The following EYS variants were observed in gnomAD, a reference collection of about 807,000 sequenced individuals.
EYS encodes the protein EGF-like photoreceptor maintenance factor, also known as protein eyes shut homolog.
A neutral mutation model predicts 282.1 loss-of-function variants in EYS; 250 were observed. The ratio of observed to expected loss-of-function variants is 0.89; its 90% CI spans 0.80 to 0.98. EYS has a LOEUF of 0.98. Ranked by LOEUF, EYS falls within the 50% of genes least tolerant of loss-of-function variation. The pLI is 0.00. For synonymous variants in EYS, 1,355 were observed against 1,282.9 expected, an observed-to-expected ratio of 1.06 and a Z score of -1.20; for missense variants, 4,016 against 3,709.0, an observed-to-expected ratio of 1.08 and a Z score of -2.15.
chr6:64,348,650 T>C (rs1771505476), intron 29 of EYS, among the ~76,000 whole-genome samples: 1 of 151,482 alleles, frequency 6.6e-6, no homozygotes, highest in African/African-American at 2.4e-5. Context: ...GCAAATGTTC[T>C]TCAGCTGGTT....
intron 22 of EYS, among the ~76,000 whole-genome samples, chr6:64,687,344 T>C (rs1252006041): frequency 2.0e-5 from 3 of 152,194 alleles, no homozygotes; most frequent in African/African-American, 7.2e-5. Context: ...TTTGTATTAA[T>C]AGATGCATTG....
At chr6:65,487,927 AT>A (rs1457415047) in intron 5 of EYS, among the ~76,000 whole-genome samples, 1 of 152,116 alleles carries the variant, frequency 6.6e-6, no homozygotes, top group Admixed American at 6.5e-5. Context: ...CCAGGAATTT[AT>A]CCATTTCTTC....
At chr6:63,881,602 G>A (rs1562076722) in intron 35 of EYS, among the ~76,000 whole-genome samples, 1 of 151,946 alleles carries the variant, frequency 6.6e-6, no homozygotes, top group East Asian at 1.9e-4. Flanking sequence ...ACTTAAATAC[G>A]TTTTTTTCCA....
At chr6:63,841,856 G>A (rs1026721156) in intron 36 of EYS, among the ~76,000 whole-genome samples, 14 of 152,168 alleles carry the variant, frequency 9.2e-5, no homozygotes, top group African/African-American at 1.7e-4. Flanking sequence ...GAGAACATGC[G>A]GGGTTTGGTT....
At chr6:65,515,427 C>A (rs1183876327) in intron 2 of EYS, among the ~76,000 whole-genome samples, 1 of 151,944 alleles carries the variant, frequency 6.6e-6, no homozygotes. Flanking sequence ...TTGACCCAGC[C>A]ATCCCATTAC....
intron 13 of EYS, among the ~76,000 whole-genome samples, chr6:65,007,192 A>G (rs1043509468): frequency 6.6e-6 from 1 of 152,060 alleles, no homozygotes; most frequent in Non-Finnish European, 1.5e-5. Context: ...TTACGCACCT[A>G]GAAAGGAATA....
chr6:64,672,870 C>T (rs189396901), intron 22 of EYS, among the ~76,000 whole-genome samples: 67 of 152,286 alleles, frequency 4.4e-4, no homozygotes, highest in African/African-American at 1.5e-3. Flanking sequence ...CTTACTACTC[C>T]TACCCTATAA....
chr6:64,400,606 G>A (rs978421531), intron 28 of EYS, among the ~76,000 whole-genome samples: 6 of 151,992 alleles, frequency 3.9e-5, no homozygotes, highest in African/African-American at 7.2e-5. Flanking sequence ...GATTGTGCTC[G>A]ATTGAATCTG....
At chr6:65,627,170 G>A (rs971580022) in intron 2 of EYS, among the ~76,000 whole-genome samples, 4 of 152,148 alleles carry the variant, frequency 2.6e-5, no homozygotes, top group African/African-American at 7.2e-5. Context: ...AACAGCAAGG[G>A]AACTCTTACT....
intron 31 of EYS, among the ~76,000 whole-genome samples, chr6:64,175,495 C>T (rs989638695): frequency 1.3e-5 from 2 of 152,110 alleles, no homozygotes; most frequent in African/African-American, 2.4e-5. Flanking sequence ...TTCGTGAGAG[C>T]GTACGTAAAT....
intron 26 of EYS, among the ~76,000 whole-genome samples, chr6:64,588,070 A>T (rs1311753956): frequency 6.6e-6 from 1 of 152,076 alleles, no homozygotes; most frequent in African/African-American, 2.4e-5. Flanking sequence ...TCAGTTGAGA[A>T]GTTAGAAATA....
chr6:65,128,702 A>T (rs767921989), intron 12 of EYS, among the ~76,000 whole-genome samples: 2 of 152,040 alleles, frequency 1.3e-5, no homozygotes, highest in African/African-American at 4.8e-5. Context: ...ATGGTCATGG[A>T]TCAAAAGAAT....
chr6:65,359,846 T>C (rs1388872875), intron 8 of EYS, among the ~76,000 whole-genome samples: 2 of 151,962 alleles, frequency 1.3e-5, no homozygotes, highest in Admixed American at 1.3e-4. Flanking sequence ...TTCATCATTT[T>C]TTTCAGTAGC....
intron 26 of EYS, among the ~76,000 whole-genome samples, chr6:64,469,950 T>C (rs868500175): frequency 6.6e-6 from 1 of 152,190 alleles, no homozygotes; most frequent in Admixed American, 6.5e-5. Flanking sequence ...AAAATAATGC[T>C]GTAAGCTGTT....
At chr6:65,329,021 G>A (rs1260908609) in intron 11 of EYS, among the ~76,000 whole-genome samples, 3 of 151,030 alleles carry the variant, frequency 2.0e-5, no homozygotes, top group South Asian at 4.2e-4. Context: ...ATGCTAAAAG[G>A]TTATACCTAT....
intron 33 of EYS, among the ~76,000 whole-genome samples, chr6:64,018,771 T>TG (rs1562153731): frequency 7.6e-5 from 9 of 118,420 alleles, no homozygotes; most frequent in African/African-American, 2.4e-4. Flanking sequence ...TTTTTTTTTT[T>TG]TTTTTTTTTT....
chr6:63,722,659 C>T (rs1221154513), intron 42 of EYS, among the ~76,000 whole-genome samples: 1 of 152,180 alleles, frequency 6.6e-6, no homozygotes, highest in Admixed American at 6.6e-5. Flanking sequence ...ACATTTTCTT[C>T]TCCCTCTGAA....
chr6:64,052,961 G>A (rs928903000), intron 33 of EYS, among the ~76,000 whole-genome samples: 1 of 152,114 alleles, frequency 6.6e-6, no homozygotes, highest in African/African-American at 2.4e-5. Flanking sequence ...CTTCACAGCA[G>A]CGTGAGAACA....
At chr6:64,650,099 G>T (rs1768504684) in intron 22 of EYS, among the ~76,000 whole-genome samples, 1 of 151,968 alleles carries the variant, frequency 6.6e-6, no homozygotes, top group African/African-American at 2.4e-5. Flanking sequence ...CTGTTAAGAA[G>T]TTAATGAGTT....
Sources: allele counts gnomAD v4.1 joint callset (sites outside exome capture counted in the v4.1 genomes callset), GRCh38; gene constraint gnomAD v4.1.1; transcripts MANE v1.5; gene names NCBI Gene and HGNC (gene_info 2026-07-23, HGNC 2026-07-21).